ADNP2: variants seen among roughly 807,000 people sequenced by gnomAD.
ADNP2 encodes activity-dependent neuroprotector homeobox protein 2.
ADNP2 carries 8 observed loss-of-function variants against 16.4 expected under a neutral mutation model. That is an observed-to-expected ratio of 0.49 (90% CI 0.29 to 0.88). The LOEUF (loss-of-function observed/expected upper bound fraction) is 0.88. Ranked by LOEUF, ADNP2 falls within the 40% of genes least tolerant of loss-of-function variation. The pLI is 0.09. For missense variants in ADNP2, 1,397 were observed against 1,395.1 expected (o/e 1.00, Z -0.02); for synonymous variants, 637 against 545.8 (o/e 1.17, Z -2.33).
chr18:80,127,643 C>T (rs1210114541), intron 2 of ADNP2, among the ~76,000 whole-genome samples: 2 of 152,078 alleles, frequency 1.3e-5, no homozygotes, highest in Admixed American at 1.3e-4. Flanking sequence ...TTTGACTACA[C>T]ACTGGACATT....
Position 80,136,250 on chromosome 18 carries a change from T to C in ADNP2, c.837T>C (p.Asn279=), listed in dbSNP as rs563953721. 1.2e-6 allele frequency: 2 copies of C among 1,614,226 alleles called. No homozygotes were observed. The highest frequency in any genetic ancestry group is 3.3e-5 in the Admixed American group (2 of 60,034). The change falls in exon 4 of 4, where the codon AAT becomes AAC. Residue 279 remains asparagine (N), a synonymous_variant. Coordinates refer to ENST00000262198, the MANE Select transcript of ADNP2 (RefSeq NM_014913.4). The part of the protein sequence containing the change: ...KPAAHLAAPA[N]GSAPSAPAQP... ...CAGCACATTTGGCTGCACCAGCAAA[T>C]GGCAGTGCTCCAAGCGCTCCAGCGC...
At position 80,120,665 on chromosome 18, in the gene ADNP2, A is replaced by AT. The variant is rs927855807; in HGVS notation, c.108+3024dup. Reference sequence around the variant, plus strand: ...GACTGGTATTTTCTTTTATTCATTTATTTTTTTTTGAGATGGAATCACTCT... The same window carrying AT: ...GACTGGTATTTTCTTTTATTCATTTATTTTTTTTTTGAGATGGAATCACTCT... On this transcript the variant is annotated intron_variant, in intron 2 of 3. Transcript: ENST00000262198. 7.5e-5 allele frequency among the ~76,000 whole-genome samples: 11 copies of AT among 146,660 alleles called. No individual in the cohort carries two copies. The East Asian group carries it at 8.1e-4, about 11-fold the overall frequency.
chr18:80,136,912 C>A lies in ADNP2; in HGVS notation c.1499C>A (p.Pro500Gln), dbSNP rs138759432. 1 of 1,614,028 alleles carries A rather than the reference C, an allele frequency of 6.2e-7. No homozygotes were observed. The highest frequency in any genetic ancestry group is 8.5e-7 in the Non-Finnish European group (1 of 1,179,980). Residue 500 changes from proline (P) to glutamine (Q), a missense_variant, in exon 4 of 4, where the codon CCA becomes CAA. Physicochemically the swap from Pro to Gln is moderately conservative, Grantham distance 76 (BLOSUM62 -1). Coordinates refer to ENST00000262198, the MANE Select transcript of ADNP2 (RefSeq NM_014913.4). ...ACAGCTCCGTCACGGGTTCTTCCCC[C>A]AGGCCAGACAGCCCCATTGAGGGTT... ...GQTAPSRVLP[P>Q]GQTAPLRVIS...
At position 80,136,714 on chromosome 18, in the gene ADNP2, C is replaced by T; in HGVS notation, c.1301C>T (p.Ser434Leu). Residue 434 changes from serine to leucine, a missense_variant, in exon 4 of 4, where the codon TCG becomes TTG. Physicochemically the swap from Ser to Leu is moderately radical, Grantham distance 145. Coordinates refer to ENST00000262198, the MANE Select transcript of ADNP2 (RefSeq NM_014913.4). ...SVTPGVLQAV[S>L]PGVLSVSRAV... ...ACCCCTGGGGTCCTGCAGGCTGTCT[C>T]GCCAGGGGTGCTTTCTGTGAGTCGG... is the stretch of plus-strand genomic sequence containing the variant. 1.9e-6 allele frequency: 3 copies of T among 1,613,388 alleles called. No homozygotes were observed. The highest frequency in any genetic ancestry group is 2.5e-6 in the Non-Finnish European group (3 of 1,179,652).
intron 2 of ADNP2, among the ~76,000 whole-genome samples, chr18:80,122,313 ATTG>A (rs2052430115): frequency 6.6e-6 from 1 of 152,174 alleles, no homozygotes; most frequent in Non-Finnish European, 1.5e-5. Flanking sequence ...TTATTTCAGT[ATTG>A]TTCTGGCTTT....
chr18:80,114,270 C>T (rs901462927), intron 1 of ADNP2, among the ~76,000 whole-genome samples: 2 of 151,008 alleles, frequency 1.3e-5, no homozygotes, highest in East Asian at 3.9e-4. Context: ...TAAAATTTTT[C>T]TACTTTTACT....
chr18:80,110,673 T>C (rs2052351767), intron 1 of ADNP2, among the ~76,000 whole-genome samples: 1 of 152,248 alleles, frequency 6.6e-6, no homozygotes, highest in South Asian at 2.1e-4. Context: ...TATTTAAAGA[T>C]GTTCTTGGAG....
chr18:80,136,868 A>G lies in ADNP2; in HGVS notation c.1455A>G (p.Gly485=). 2 of 1,613,832 alleles carry G rather than the reference A, an allele frequency of 1.2e-6. No individual in the cohort carries two copies. Among genetic ancestry groups the G allele is most frequent in the Non-Finnish European group, 1.7e-6 (2 of 1,179,922 alleles). ...VLPTGQMVQS[G]VLPVGQTAPS... ...CTACTGGCCAGATGGTCCAGTCAGGAGTTCTCCCTGTGGGCCAGACAGCTC... is the reference window on the plus strand; with the variant it reads ...CTACTGGCCAGATGGTCCAGTCAGGGGTTCTCCCTGTGGGCCAGACAGCTC... Residue 485 remains glycine, a synonymous_variant, in exon 4 of 4, where the codon GGA becomes GGG. Transcript: ENST00000262198.
chr18:80,133,728 C>G (rs763140335), intron 3 of ADNP2: 1 of 154,386 alleles, frequency 6.5e-6, no homozygotes, highest in Admixed American at 6.5e-5. Flanking sequence ...CTCAGCTCAT[C>G]CCAGACTTGA....
At chr18:80,133,271 A>G in intron 3 of ADNP2, 79 bp downstream of exon 3, 1 of 1,162,732 alleles carries the variant, frequency 8.6e-7, no homozygotes, top group Non-Finnish European at 1.3e-6. Context: ...AGAACATCAC[A>G]TGTATTGGGG....
chr18:80,135,487 A>G (rs1342705893), intron 3 of ADNP2, 125 bp from the exon 4 acceptor site: 18 of 1,031,970 alleles, frequency 1.7e-5, no homozygotes, highest in Non-Finnish European at 2.5e-5. Context: ...CTGGGTTAGA[A>G]AACATTAAGT....
At chr18:80,114,833 A>C (rs769274236) in intron 1 of ADNP2, among the ~76,000 whole-genome samples, 1 of 152,010 alleles carries the variant, frequency 6.6e-6, no homozygotes, top group Non-Finnish European at 1.5e-5. Context: ...TAGGGCTGGA[A>C]TCCTCAAGAG....
chr18:80,128,926 G>A (rs114355261), intron 2 of ADNP2, among the ~76,000 whole-genome samples: 4,351 of 151,960 alleles, frequency 0.029, 185 homozygotes, highest in African/African-American at 0.097. Context: ...CATTAACATC[G>A]TATTGTTAGC....
intron 2 of ADNP2, among the ~76,000 whole-genome samples, chr18:80,128,051 A>G (rs1379860563): frequency 6.6e-6 from 1 of 152,204 alleles, no homozygotes; most frequent in Non-Finnish European, 1.5e-5. Context: ...GTCTATTTTG[A>G]AATAGTGAAT....
chr18:80,119,437 A>G (rs2052410421), intron 2 of ADNP2, among the ~76,000 whole-genome samples: 1 of 151,030 alleles, frequency 6.6e-6, no homozygotes, highest in African/African-American at 2.4e-5. Context: ...AAAAAAATCC[A>G]AGCTGACTGG....
chr18:80,116,148 T>C lies in ADNP2; in HGVS notation c.-13-1382T>C, dbSNP rs186166343. Among the ~76,000 whole-genome samples, 59 of 152,358 alleles carry C rather than the reference T, an allele frequency of 3.9e-4. 1 individual carries two copies. The highest frequency in any genetic ancestry group is 1.9e-3 in the South Asian group (9 of 4,826). On this transcript the variant is annotated intron_variant, in intron 1 of 3. Coordinates refer to ENST00000262198, the MANE Select transcript of ADNP2 (RefSeq NM_014913.4). ...ACAATATGTGGTCCTTGTGTCTGGCTTCTTTTACTTAGCATATTTCCAAAG... is the reference window on the plus strand; with the variant it reads ...ACAATATGTGGTCCTTGTGTCTGGCCTCTTTTACTTAGCATATTTCCAAAG...
At chr18:80,115,363 A>T (rs1272887502) in intron 1 of ADNP2, among the ~76,000 whole-genome samples, 3 of 152,132 alleles carry the variant, frequency 2.0e-5, no homozygotes, top group Non-Finnish European at 4.4e-5. Context: ...TTTTAAAGGA[A>T]AGCGGTATTT....
intron 2 of ADNP2, among the ~76,000 whole-genome samples, chr18:80,123,258 A>C (rs538264210): frequency 3.8e-4 from 58 of 152,298 alleles, no homozygotes; most frequent in Middle Eastern, 3.4e-3. Flanking sequence ...ATCTGTGTTC[A>C]TAAGGAATAT....
intron 2 of ADNP2, among the ~76,000 whole-genome samples, chr18:80,125,260 TC>T (rs954102672): frequency 6.6e-6 from 1 of 152,126 alleles, no homozygotes; most frequent in African/African-American, 2.4e-5. Flanking sequence ...GCAATGGTAA[TC>T]CCAGCACTTT....
Sources: allele counts gnomAD v4.1 joint callset (sites outside exome capture counted in the v4.1 genomes callset), GRCh38; gene constraint gnomAD v4.1.1; transcripts MANE v1.5; gene names NCBI Gene and HGNC (gene_info 2026-07-23, HGNC 2026-07-21).